The following ACCSL variants were observed in gnomAD, a reference collection of about 807,000 sequenced individuals.
ACCSL encodes the protein probable inactive 1-aminocyclopropane-1-carboxylate synthase-like protein 2.
A neutral mutation model predicts 61.7 loss-of-function variants in ACCSL; 55 were observed. That is an observed-to-expected ratio of 0.89 (90% CI 0.72 to 1.12). The LOEUF (loss-of-function observed/expected upper bound fraction) is 1.12. Ranked by LOEUF, ACCSL falls within the 50% of genes most tolerant of loss-of-function variation. The pLI, the probability that ACCSL is intolerant of heterozygous loss-of-function variation, is 0.00. For synonymous variants in ACCSL, 258 were observed against 264.3 expected (o/e 0.98, Z 0.23); for missense variants, 632 against 698.0 (o/e 0.91, Z 1.07).
At chr11:43,924,464 G>A in the ACCSL span, among the ~76,000 whole-genome samples, 3 of 152,320 alleles carry the variant, frequency 2.0e-5, no homozygotes, top group Admixed American at 1.3e-4. Context: ...GCGCCTGAGG[G>A]CCTTGTGACC....
the ACCSL span, among the ~76,000 whole-genome samples, chr11:44,031,363 T>A: frequency 1.3e-5 from 2 of 152,132 alleles, no homozygotes; most frequent in Admixed American, 1.3e-4. Flanking sequence ...GTCTTTGAAG[T>A]TTTCCTTTCC....
the ACCSL span, among the ~76,000 whole-genome samples, chr11:43,982,323 G>A: frequency 6.7e-6 from 1 of 149,278 alleles, no homozygotes; most frequent in African/African-American, 2.5e-5. Context: ...CACCTCCCAG[G>A]TTCTAGCGAT....
chr11:44,038,861 A>C, the ACCSL span, among the ~76,000 whole-genome samples: 1 of 152,170 alleles, frequency 6.6e-6, no homozygotes, highest in Non-Finnish European at 1.5e-5. Flanking sequence ...TCCTTAAGTC[A>C]GCATTGTACT....
the ACCSL span, among the ~76,000 whole-genome samples, chr11:44,008,669 G>A: frequency 6.6e-6 from 1 of 152,194 alleles, no homozygotes; most frequent in Non-Finnish European, 1.5e-5. Context: ...TGGGCCTCAG[G>A]TTCCTCTTCA....
At chr11:44,054,450 T>TC (rs756419739) in intron 8 of ACCSL, among the ~76,000 whole-genome samples, 8 of 150,820 alleles carry the variant, frequency 5.3e-5, no homozygotes, top group Non-Finnish European at 8.8e-5. Flanking sequence ...TTTCTTTCTT[T>TC]TTTTTTTTTG....
rs377450567 is a variant in ACCSL at position 44,053,390 on chromosome 11, T to G, written c.949-16T>G. 1 of 1,610,224 alleles carries G rather than the reference T, an allele frequency of 6.2e-7. No homozygotes were observed. The highest frequency in any genetic ancestry group is 1.3e-5 in the African/African-American group (1 of 74,812). ...AAGGACTTGTATTCACTCAGTTATA[T>G]TTGGGTTTTTCTTAGGGGAAAAAGG... On this transcript the variant is annotated splice_polypyrimidine_tract_variant and intron_variant, in intron 7 of 13. Coordinates refer to ENST00000378832, the MANE Select transcript of ACCSL (RefSeq NM_001031854.2).
At chr11:43,978,399 G>T in the ACCSL span, among the ~76,000 whole-genome samples, 27 of 152,214 alleles carry the variant, frequency 1.8e-4, no homozygotes, top group East Asian at 5.2e-3. Flanking sequence ...TAATTAAAAG[G>T]CAAAAACCCT....
the ACCSL span, among the ~76,000 whole-genome samples, chr11:43,992,304 C>T: frequency 6.6e-6 from 1 of 152,286 alleles, no homozygotes; most frequent in African/African-American, 2.4e-5. Flanking sequence ...CCCCGCCTCT[C>T]CTGAAGTGTT....
chr11:43,943,178 C>T, the ACCSL span: 8 of 1,509,206 alleles, frequency 5.3e-6, no homozygotes, highest in Non-Finnish European at 7.1e-6. This position sits in a 1 kb window ranked among gnomAD's most constrained non-coding sequence, Gnocchi z 4.8. Context: ...GTGCCTGCGC[C>T]GCAGCACGCA....
chr11:44,047,132 T>A (rs967424209), upstream of ACCSL, among the ~76,000 whole-genome samples: 11 of 151,992 alleles, frequency 7.2e-5, no homozygotes, highest in Non-Finnish European at 1.5e-4. Context: ...AATTCAGGGG[T>A]GAGGTCTCAC....
At chr11:43,940,901 G>A in the ACCSL span, among the ~76,000 whole-genome samples, 1 of 152,200 alleles carries the variant, frequency 6.6e-6, no homozygotes, top group Non-Finnish European at 1.5e-5. Flanking sequence ...GCAGTGTAGT[G>A]GCTCAGGAGC....
At chr11:44,009,703 T>G in the ACCSL span, among the ~76,000 whole-genome samples, 1 of 152,182 alleles carries the variant, frequency 6.6e-6, no homozygotes, top group South Asian at 2.1e-4. Flanking sequence ...AGGTTGAAGC[T>G]GCAGTGAGCC....
chr11:43,955,645 CG>C, the ACCSL span, among the ~76,000 whole-genome samples: 1 of 151,986 alleles, frequency 6.6e-6, no homozygotes, highest in Non-Finnish European at 1.5e-5. Context: ...GAAGGTGAGT[CG>C]GGTGGAGCTA....
chr11:44,002,705 T>C, the ACCSL span, among the ~76,000 whole-genome samples: 8 of 152,194 alleles, frequency 5.3e-5, no homozygotes. Flanking sequence ...TGGGTCTGAA[T>C]GCTGTGTGAT....
chr11:44,049,371 G>T (rs866237560), intron 1 of ACCSL, among the ~76,000 whole-genome samples: 6 of 132,034 alleles, frequency 4.5e-5, no homozygotes, highest in African/African-American at 1.7e-4. Flanking sequence ...AGTGAGCTGA[G>T]ATCGCGCCAC....
chr11:43,959,534 T>G, the ACCSL span, among the ~76,000 whole-genome samples: 1 of 152,230 alleles, frequency 6.6e-6, no homozygotes. Context: ...GGATGTTCCC[T>G]GTCAGCAGTG....
the ACCSL span, among the ~76,000 whole-genome samples, chr11:43,960,377 T>C: frequency 3.9e-4 from 60 of 152,152 alleles, no homozygotes; most frequent in Non-Finnish European, 4.3e-4. Flanking sequence ...CTATATTTGA[T>C]TTTTACTGCC....
At chr11:43,934,047 G>A in the ACCSL span, among the ~76,000 whole-genome samples, 1 of 152,070 alleles carries the variant, frequency 6.6e-6, no homozygotes, top group Non-Finnish European at 1.5e-5. Flanking sequence ...GTCACTGGGG[G>A]TCTCCCTGGA....
At chr11:44,037,019 A>C in the ACCSL span, among the ~76,000 whole-genome samples, 1 of 152,164 alleles carries the variant, frequency 6.6e-6, no homozygotes, top group Non-Finnish European at 1.5e-5. Flanking sequence ...AGAAAAGGTT[A>C]TGCAATCTGG....
Sources: allele counts gnomAD v4.1 joint callset (sites outside exome capture counted in the v4.1 genomes callset), GRCh38; gene constraint gnomAD v4.1.1; non-coding constraint Gnocchi (gnomAD v3.1); transcripts MANE v1.5; gene names NCBI Gene and HGNC (gene_info 2026-07-23, HGNC 2026-07-21).